Variants in PDSS2 observed in about 807,000 individuals in gnomAD.
PDSS2 encodes the protein all trans-polyprenyl-diphosphate synthase PDSS2.
In PDSS2, 31 loss-of-function variants were observed where a neutral mutation model predicts 44.5. That is an observed-to-expected ratio of 0.70 (90% CI 0.52 to 0.94). The LOEUF (loss-of-function observed/expected upper bound fraction) is 0.94, where lower values mean the gene tolerates loss of function less well. Ranked by LOEUF, PDSS2 falls within the 40% of genes least tolerant of loss-of-function variation. PDSS2 has a pLI of 0.00. For missense variants in PDSS2, 452 were observed against 482.2 expected (o/e 0.94, Z 0.59); for synonymous variants, 157 against 180.3 (o/e 0.87, Z 1.03).
At chr6:107,286,919 A>T (rs1015900000) in intron 2 of PDSS2, among the ~76,000 whole-genome samples, 17 of 152,164 alleles carry the variant, frequency 1.1e-4, no homozygotes, top group African/African-American at 1.4e-4. Flanking sequence ...ACGCGCCTGT[A>T]GTCCCAGCTA....
intron 7 of PDSS2, among the ~76,000 whole-genome samples, chr6:107,188,433 GT>G (rs1393378172): frequency 1.3e-5 from 2 of 151,964 alleles, no homozygotes; most frequent in Non-Finnish European, 2.9e-5. Flanking sequence ...GGGTGAAGGA[GT>G]GTGTCTGGAC....
intron 4 of PDSS2, among the ~76,000 whole-genome samples, chr6:107,214,333 C>T (rs1421666507): frequency 6.6e-6 from 1 of 151,920 alleles, no homozygotes; most frequent in Non-Finnish European, 1.5e-5. Context: ...CCTCGTGATC[C>T]GCCCGCCTCG....
At chr6:107,160,796 G>A (rs1771098390) in intron 7 of PDSS2, among the ~76,000 whole-genome samples, 1 of 151,922 alleles carries the variant, frequency 6.6e-6, no homozygotes, top group African/African-American at 2.4e-5. Flanking sequence ...GTATGAAACA[G>A]CTTGCTGTTT....
rs546191314 is a variant in PDSS2, at chr6:107,279,153, A to G, written c.432-4926T>C. Among the ~76,000 whole-genome samples, 124 of 152,044 alleles carry G rather than the reference A, an allele frequency of 8.2e-4. 2 individuals are homozygous for G. In the South Asian group the frequency reaches 0.022, roughly 27 times the overall value. On this transcript the variant is annotated intron_variant, in intron 2 of 7. Transcript: ENST00000369037. Reference sequence around the variant, plus strand: ...AGAATCGCTTCAACCCGGGAGGCGGAGGTTGCAGTGAGCCGAGATCACACC... The same window carrying G: ...AGAATCGCTTCAACCCGGGAGGCGGGGGTTGCAGTGAGCCGAGATCACACC...
intron 7 of PDSS2, among the ~76,000 whole-genome samples, chr6:107,188,937 T>G (rs763258838): frequency 6.6e-6 from 1 of 152,194 alleles, no homozygotes; most frequent in African/African-American, 2.4e-5. Flanking sequence ...AGGGTCTCAC[T>G]CTCACTCCCG....
intron 7 of PDSS2, among the ~76,000 whole-genome samples, chr6:107,160,130 T>C (rs1036207460): frequency 1.3e-5 from 2 of 152,062 alleles, no homozygotes; most frequent in Admixed American, 6.5e-5. Context: ...GCAGGAGAAT[T>C]GCTTGAACTC....
At chr6:107,198,744 A>G (rs1303549170) in intron 6 of PDSS2, among the ~76,000 whole-genome samples, 1 of 152,126 alleles carries the variant, frequency 6.6e-6, no homozygotes, top group Non-Finnish European at 1.5e-5. Context: ...TCACATGAGC[A>G]CAAGAGTTTG....
intron 1 of PDSS2, among the ~76,000 whole-genome samples, chr6:107,455,754 C>CAAAAAAAAAA (rs60783838): frequency 3.6e-5 from 2 of 55,682 alleles, no homozygotes; most frequent in African/African-American, 1.6e-4. Flanking sequence ...GACTCTGTCT[C>CAAAAAAAAAA]AAAAAAAAAA....
intron 1 of PDSS2, among the ~76,000 whole-genome samples, chr6:107,447,065 G>A (rs1162312913): frequency 6.6e-6 from 1 of 152,106 alleles, no homozygotes; most frequent in African/African-American, 2.4e-5. Flanking sequence ...CGGGCGCAGT[G>A]GCTCACGCCT....
At chr6:107,195,351 A>G (rs1321621602) in intron 6 of PDSS2, among the ~76,000 whole-genome samples, 2 of 151,724 alleles carry the variant, frequency 1.3e-5, no homozygotes, top group Non-Finnish European at 2.9e-5. Flanking sequence ...GTGTGGTGGT[A>G]TGCACCTGTA....
At chr6:107,260,570 T>C (rs1465305047) in intron 3 of PDSS2, among the ~76,000 whole-genome samples, 1 of 152,098 alleles carries the variant, frequency 6.6e-6, no homozygotes, top group Admixed American at 6.5e-5. Flanking sequence ...GGCAATATTA[T>C]ATATAATACA....
At chr6:107,296,464 G>A (rs574954385) in intron 2 of PDSS2, among the ~76,000 whole-genome samples, 4 of 152,152 alleles carry the variant, frequency 2.6e-5, no homozygotes, top group Admixed American at 1.3e-4. Flanking sequence ...GGTGGCTCAC[G>A]CCCGTAATCC....
intron 2 of PDSS2, among the ~76,000 whole-genome samples, chr6:107,287,720 C>T (rs898937071): frequency 4.6e-5 from 7 of 152,108 alleles, no homozygotes; most frequent in African/African-American, 1.7e-4. Flanking sequence ...CAGGTTTTCA[C>T]CATGTTGACC....
intron 1 of PDSS2, among the ~76,000 whole-genome samples, chr6:107,357,636 A>C (rs977846622): frequency 1.3e-5 from 2 of 152,166 alleles, no homozygotes; most frequent in Non-Finnish European, 2.9e-5. Flanking sequence ...GTAGGGGAGG[A>C]AATCAAACAT....
intron 2 of PDSS2, among the ~76,000 whole-genome samples, chr6:107,282,317 C>T (rs148825698): frequency 1.2e-3 from 185 of 152,290 alleles, no homozygotes; most frequent in African/African-American, 4.0e-3. Context: ...GAAGTGACCC[C>T]AGAGGTCAGT....
At chr6:107,420,830 A>G (rs1249942528) in intron 1 of PDSS2, among the ~76,000 whole-genome samples, 3 of 151,954 alleles carry the variant, frequency 2.0e-5, no homozygotes, top group South Asian at 4.2e-4. Flanking sequence ...TAAAAGAAAA[A>G]AAAAAAACCA....
At chr6:107,189,897 TTAAA>T (rs1016286439) in intron 7 of PDSS2, among the ~76,000 whole-genome samples, 5 of 151,740 alleles carry the variant, frequency 3.3e-5, no homozygotes, top group South Asian at 2.1e-4. Flanking sequence ...TTCCTTAAAA[TTAAA>T]TAAATAAAGA....
At chr6:107,308,184 T>G (rs907244300) in intron 2 of PDSS2, among the ~76,000 whole-genome samples, 1 of 152,154 alleles carries the variant, frequency 6.6e-6, no homozygotes. Context: ...ATTTCATGAC[T>G]ACATGAAATA....
At chr6:107,275,358 C>G (rs889437866) in intron 2 of PDSS2, among the ~76,000 whole-genome samples, 1 of 151,908 alleles carries the variant, frequency 6.6e-6, no homozygotes, top group East Asian at 1.9e-4. Flanking sequence ...ATGATTTTCC[C>G]AAGAGTACAC....
Sources: gnomAD v4.1 joint callset for allele counts (sites outside exome capture counted in the v4.1 genomes callset) on GRCh38, gnomAD v4.1.1 for gene constraint, MANE v1.5 for transcripts, NCBI Gene and HGNC (gene_info 2026-07-23, HGNC 2026-07-21) for gene names.